NUP133: variants seen among roughly 807,000 people sequenced by gnomAD.
NUP133 encodes the protein nucleoporin 133, also known as nuclear pore complex protein Nup133.
A neutral mutation model predicts 146.2 loss-of-function variants in NUP133; 66 were observed. The ratio of observed to expected loss-of-function variants is 0.45; its 90% CI spans 0.37 to 0.55. The LOEUF (loss-of-function observed/expected upper bound fraction) is 0.55. NUP133 is among the 20% of genes least tolerant of loss of function. The pLI, the probability that NUP133 is intolerant of heterozygous loss-of-function variation, is 0.00. For missense variants in NUP133, 1,277 were observed against 1,374.8 expected (o/e 0.93, Z 1.12); for synonymous variants, 521 against 498.8 (o/e 1.04, Z -0.59).
At chr1:229,459,154 T>C (rs1040620551) in intron 20 of NUP133, among the ~76,000 whole-genome samples, 4 of 152,196 alleles carry the variant, frequency 2.6e-5, no homozygotes, top group Admixed American at 2.6e-4. Context: ...ACATTTCAAA[T>C]TTGTTCTCTT....
chr1:229,445,413 C>T (rs1217639023), intron 24 of NUP133, among the ~76,000 whole-genome samples: 2 of 152,150 alleles, frequency 1.3e-5, no homozygotes, highest in Non-Finnish European at 2.9e-5. Flanking sequence ...ACTCCTCCAG[C>T]TCAAGTGTTC....
chr1:229,486,786 C>A (rs1449609866), intron 10 of NUP133, among the ~76,000 whole-genome samples: 1 of 151,292 alleles, frequency 6.6e-6, no homozygotes, highest in East Asian at 1.9e-4. Flanking sequence ...AGCAGTCAGT[C>A]TAGTAAGCCA....
At position 229,490,241 on chromosome 1, in the gene NUP133, A is replaced by G. The variant is rs576168930; in HGVS notation, c.1047-139T>C. The G allele has an allele frequency of 1.0e-4, 68 of 673,790 alleles. No homozygotes were observed. The African/African-American group carries it at 1.1e-3, about 11-fold the overall frequency. 41.7% of individuals were successfully genotyped at this position (673,790 alleles called of 1,614,324 possible). ...TCCAAGAGAAAATTTAAAAACAGAAACAGAAAACCAATAACTGTGTTCACA... is the reference window on the plus strand; with the variant it reads ...TCCAAGAGAAAATTTAAAAACAGAAGCAGAAAACCAATAACTGTGTTCACA... On this transcript the variant is annotated intron_variant, in intron 8 of 25. Transcript: ENST00000261396.
At position 229,477,384 on chromosome 1, in the gene NUP133, G is replaced by A. The variant is rs553254473; in HGVS notation, c.1756+213C>T. 6.7e-5 allele frequency among the ~76,000 whole-genome samples: 10 copies of A among 148,314 alleles called. No individual in the cohort carries two copies. The East Asian group carries it at 1.8e-3, about 27-fold the overall frequency. The stretch of plus-strand genomic sequence containing the variant: ...GAACCTGGGAGGTGGAGCTTGCAGT[G>A]AGCCAAGATCGCGCCACTGCACTCC... On this transcript the variant is annotated intron_variant, in intron 13 of 25. Coordinates refer to ENST00000261396, the MANE Select transcript of NUP133 (RefSeq NM_018230.3).
intron 21 of NUP133, among the ~76,000 whole-genome samples, chr1:229,454,527 T>A (rs1165438761): frequency 1.3e-5 from 2 of 152,234 alleles, no homozygotes; most frequent in Non-Finnish European, 2.9e-5. Context: ...TATTGAATTT[T>A]TTCTATAATT....
At chr1:229,494,229 A>G (rs1437187877) in intron 8 of NUP133, among the ~76,000 whole-genome samples, 25 of 152,240 alleles carry the variant, frequency 1.6e-4, no homozygotes, top group Admixed American at 1.6e-3. Flanking sequence ...GGTAAAGACA[A>G]AAACAGGTAA....
chr1:229,472,470 T>C (rs1250136167), intron 14 of NUP133, among the ~76,000 whole-genome samples: 3 of 151,824 alleles, frequency 2.0e-5, no homozygotes, highest in Non-Finnish European at 4.4e-5. Flanking sequence ...ACACCTGTAA[T>C]CCCAGCACTT....
intron 25 of NUP133, 21 bp from the exon 26 acceptor site, chr1:229,442,061 A>C (rs1215473242): frequency 6.5e-7 from 1 of 1,540,580 alleles, no homozygotes; most frequent in Non-Finnish European, 8.7e-7. Flanking sequence ...AAACACAAGA[A>C]GTCATTTTTC....
At chr1:229,476,466 T>C (rs1661077327) in intron 13 of NUP133, among the ~76,000 whole-genome samples, 1 of 152,050 alleles carries the variant, frequency 6.6e-6, no homozygotes, top group Non-Finnish European at 1.5e-5. Flanking sequence ...TCCCCTCGAG[T>C]TTCTGAGGTG....
chr1:229,462,144 A>AT (rs1382384244), intron 19 of NUP133, among the ~76,000 whole-genome samples: 1 of 152,256 alleles, frequency 6.6e-6, no homozygotes, highest in African/African-American at 2.4e-5. Context: ...TCGGCCTCCC[A>AT]AAGTGCTGGG....
intron 16 of NUP133, among the ~76,000 whole-genome samples, chr1:229,465,892 C>CAAAAAAAAAAAAAAAAAAAAAA (rs71561801): frequency 1.3e-5 from 1 of 77,368 alleles, no homozygotes; most frequent in African/African-American, 4.4e-5. Context: ...CCATGTCTCA[C>CAAAAAAAAAAAAAAAAAAAAAA]AAAAAAAAAA....
At chr1:229,461,920 G>C (rs1443786870) in intron 19 of NUP133, among the ~76,000 whole-genome samples, 1 of 140,544 alleles carries the variant, frequency 7.1e-6, no homozygotes, top group Non-Finnish European at 1.5e-5. Flanking sequence ...TTCTTGTTCT[G>C]TTGCCCAGCC....
At chr1:229,447,884 C>T (rs1446400476) in intron 24 of NUP133, among the ~76,000 whole-genome samples, 1 of 152,148 alleles carries the variant, frequency 6.6e-6, no homozygotes, top group African/African-American at 2.4e-5. Flanking sequence ...CAGGATGAGA[C>T]AGGAGGTCAG....
intron 5 of NUP133, among the ~76,000 whole-genome samples, chr1:229,498,699 T>C (rs557008679): frequency 2.5e-3 from 380 of 149,900 alleles, no homozygotes; most frequent in African/African-American, 9.1e-3. Context: ...GAGGTTGCAG[T>C]GAGCTGAGAT....
chr1:229,490,154 G>A, intron 8 of NUP133, 52 bp from the exon 9 acceptor site: 1 of 1,416,754 alleles, frequency 7.1e-7, no homozygotes, highest in Non-Finnish European at 9.3e-7. Context: ...CAACTTAGGA[G>A]TTTCCTATAA....
At chr1:229,474,905 C>T (rs1190649630) in intron 14 of NUP133, among the ~76,000 whole-genome samples, 5 of 151,958 alleles carry the variant, frequency 3.3e-5, no homozygotes, top group Non-Finnish European at 7.4e-5. Flanking sequence ...GAGTTCGAGA[C>T]CAGCCTGGGC....
intron 21 of NUP133, 105 bp downstream of exon 21, chr1:229,458,056 G>T: frequency 8.6e-7 from 1 of 1,163,182 alleles, no homozygotes. Flanking sequence ...TTAGAGACAG[G>T]TCCTGTTTCT....
At chr1:229,477,456 A>G (rs1661105338) in intron 13 of NUP133, 141 bp downstream of exon 13, 4 of 591,584 alleles carry the variant, frequency 6.8e-6, no homozygotes, top group African/African-American at 1.9e-5. Context: ...AAAAAAAAAA[A>G]GGAAGGTCAC....
chr1:229,461,448 A>G (rs1041606933), intron 19 of NUP133, among the ~76,000 whole-genome samples: 3 of 152,214 alleles, frequency 2.0e-5, no homozygotes, highest in African/African-American at 7.2e-5. Context: ...CAGAAATGAA[A>G]TGAATATTAC....
Sources: gnomAD v4.1 joint callset for allele counts (sites outside exome capture counted in the v4.1 genomes callset) on GRCh38, gnomAD v4.1.1 for gene constraint, MANE v1.5 for transcripts, NCBI Gene and HGNC (gene_info 2026-07-23, HGNC 2026-07-21) for gene names.